Variants in ATP8A2 observed in about 807,000 individuals in gnomAD.
ATP8A2 encodes phospholipid-transporting ATPase IB.
ATP8A2 carries 100 observed loss-of-function variants against 165.6 expected under a neutral mutation model. That is an observed-to-expected ratio of 0.60 (90% CI 0.51 to 0.71). ATP8A2 has a LOEUF of 0.71. ATP8A2 is among the 30% of genes least tolerant of loss of function. The probability of loss-of-function intolerance (pLI) is 0.00; values close to 1 mark genes in which losing one functional copy is unlikely to be tolerated. For missense variants in ATP8A2, 1,227 were observed against 1,479.5 expected (o/e 0.83, Z 2.80); for synonymous variants, 543 against 548.8 (o/e 0.99, Z 0.15).
intron 34 of ATP8A2, among the ~76,000 whole-genome samples, chr13:25,967,076 C>G (rs992615447): frequency 6.6e-6 from 1 of 152,118 alleles, no homozygotes; most frequent in Non-Finnish European, 1.5e-5. Context: ...ACCCCAGAAG[C>G]CCAGGAGATA....
intron 27 of ATP8A2, among the ~76,000 whole-genome samples, chr13:25,826,771 C>G (rs1258593380): frequency 1.3e-5 from 2 of 152,052 alleles, no homozygotes; most frequent in Non-Finnish European, 2.9e-5. Context: ...GAATATTCAG[C>G]AGCAACTTTT....
chr13:25,682,528 C>T (rs973417173), intron 24 of ATP8A2, among the ~76,000 whole-genome samples: 8 of 152,114 alleles, frequency 5.3e-5, no homozygotes, highest in Non-Finnish European at 1.0e-4. Flanking sequence ...TCCTTTATTG[C>T]GAGTTTTCTC....
At chr13:25,807,668 G>T (rs551026364) in intron 27 of ATP8A2, among the ~76,000 whole-genome samples, 1 of 152,288 alleles carries the variant, frequency 6.6e-6, no homozygotes, top group Admixed American at 6.5e-5. Flanking sequence ...CTTTAATCCT[G>T]TTACTGTAAA....
chr13:25,619,919 G>A lies in ATP8A2; in HGVS notation c.2211+30220G>A, dbSNP rs187534844. Among the ~76,000 whole-genome samples the A allele has an allele frequency of 3.0e-4, 45 of 152,264 alleles. 1 individual carries two copies. The highest frequency in any genetic ancestry group is 1.0e-3 in the African/African-American group (42 of 41,548). ...ATGGGATATATTTGGCCCACGGGCC[G>A]TAGTTTACTGACCCCAATCTATATA... On this transcript the variant is annotated intron_variant, in intron 24 of 36. Transcript: ENST00000381655.
At position 25,829,668 on chromosome 13, in the gene ATP8A2, G is replaced by GTATATATA. The variant is rs71080203; in HGVS notation, c.2754+1522_2754+1529dup. On this transcript the variant is annotated intron_variant, in intron 28 of 36. Coordinates refer to ENST00000381655, the MANE Select transcript of ATP8A2 (RefSeq NM_016529.6). Reference sequence around the variant, plus strand: ...TGTTGTAGAGCCAAGGACAGGTGTGGTATATATATATATATATATATATAT... The same window carrying GTATATATA: ...TGTTGTAGAGCCAAGGACAGGTGTGGTATATATATATATATATATATATATATATATAT... Among the ~76,000 whole-genome samples the GTATATATA allele has an allele frequency of 3.9e-3, 244 of 63,292 alleles. 13 individuals carry two copies. Among genetic ancestry groups the GTATATATA allele is most frequent in the Non-Finnish European group, 4.8e-3 (154 of 31,864 alleles). 41.5% of individuals were successfully genotyped at this position (63,292 alleles called of 152,430 possible). A position where few individuals can be genotyped will look rare whatever the true frequency, so the allele number is the denominator to read the frequency against.
intron 27 of ATP8A2, among the ~76,000 whole-genome samples, chr13:25,806,651 G>A (rs555117368): frequency 6.6e-6 from 1 of 152,168 alleles, no homozygotes; most frequent in South Asian, 2.1e-4. Flanking sequence ...CTGTATACAG[G>A]TTTTTTGTAT....
chr13:25,747,010 C>T (rs1291022169), intron 25 of ATP8A2, among the ~76,000 whole-genome samples: 1 of 152,206 alleles, frequency 6.6e-6, no homozygotes, highest in Non-Finnish European at 1.5e-5. Context: ...TCCTGCGAGC[C>T]TCTGCTTCCT....
intron 26 of ATP8A2, among the ~76,000 whole-genome samples, chr13:25,770,477 AC>A (rs973992813): frequency 1.3e-5 from 2 of 151,974 alleles, no homozygotes; most frequent in African/African-American, 4.8e-5. Context: ...CTCACTGGCT[AC>A]CCCCACCCAC....
At chr13:25,477,250 T>C (rs2036020846) in intron 2 of ATP8A2, among the ~76,000 whole-genome samples, 1 of 152,202 alleles carries the variant, frequency 6.6e-6, no homozygotes, top group Non-Finnish European at 1.5e-5. Flanking sequence ...GGTTTGAGAA[T>C]TTTGGTCAGT....
Position 25,774,732 on chromosome 13 carries a change from G to A in ATP8A2, c.2569-117G>A. ...CAGAGAATGGTTTTCTGAGATTCCT[G>A]CGGAATCTGGTTTCCTCTACCTACA... is the stretch of plus-strand genomic sequence containing the variant. On this transcript the variant is annotated intron_variant, in intron 26 of 36. Transcript: ENST00000381655. The A allele has an allele frequency of 6.8e-6, 4 of 588,746 alleles. No homozygotes were observed. In the South Asian group the frequency reaches 9.3e-5, roughly 14 times the overall value. The allele number at this position is 588,746 out of a possible 1,614,324, so 36.5% of individuals were successfully genotyped here. A position where few individuals can be genotyped will look rare whatever the true frequency, so the allele number is the denominator to read the frequency against.
chr13:25,608,993 A>G (rs1444442141), intron 24 of ATP8A2, among the ~76,000 whole-genome samples: 3 of 152,214 alleles, frequency 2.0e-5, no homozygotes, highest in African/African-American at 7.2e-5. Flanking sequence ...AATGATTAAA[A>G]AATACTTTTG....
At chr13:25,425,628 G>C (rs2034427289) in intron 1 of ATP8A2, among the ~76,000 whole-genome samples, 1 of 151,100 alleles carries the variant, frequency 6.6e-6, no homozygotes, top group African/African-American at 2.4e-5. Flanking sequence ...AGGCTGGAGT[G>C]CAATGGCACA....
chr13:25,931,142 G>A (rs1001666262), intron 33 of ATP8A2, among the ~76,000 whole-genome samples: 10 of 152,256 alleles, frequency 6.6e-5, no homozygotes, highest in East Asian at 3.9e-4. Context: ...AGGACGCCAC[G>A]GGTGGACAAT....
At chr13:25,789,639 A>C (rs1439252333) in intron 27 of ATP8A2, among the ~76,000 whole-genome samples, 2 of 152,242 alleles carry the variant, frequency 1.3e-5, no homozygotes, top group Non-Finnish European at 2.9e-5. Context: ...AATCAGTAAA[A>C]TGGCCATAGT....
At chr13:25,707,906 A>G (rs74637438) in intron 25 of ATP8A2, among the ~76,000 whole-genome samples, 4,305 of 152,286 alleles carry the variant, frequency 0.028, 106 homozygotes, top group East Asian at 0.13. Flanking sequence ...TTTTGGCAGT[A>G]GTCTAAGAAC....
chr13:25,440,171 G>A (rs1226172206), intron 1 of ATP8A2, among the ~76,000 whole-genome samples: 2 of 152,064 alleles, frequency 1.3e-5, no homozygotes, highest in Admixed American at 6.6e-5. Flanking sequence ...CCTGGCTCTC[G>A]GAGGTGGTTC....
At chr13:25,523,117 CAAA>C (rs749414873) in intron 2 of ATP8A2, among the ~76,000 whole-genome samples, 8 of 75,880 alleles carry the variant, frequency 1.1e-4, no homozygotes, top group Admixed American at 1.5e-4. Context: ...GACTCTGTCT[CAAA>C]AAAAAAAAAA....
intron 4 of ATP8A2, among the ~76,000 whole-genome samples, chr13:25,531,325 G>GTT (rs2038070013): frequency 1.4e-5 from 1 of 73,168 alleles, no homozygotes; most frequent in African/African-American, 5.2e-5. Flanking sequence ...TGTTATATAT[G>GTT]ATATATATAT....
At chr13:25,960,236 C>G (rs1258413061) in intron 33 of ATP8A2, among the ~76,000 whole-genome samples, 1 of 152,206 alleles carries the variant, frequency 6.6e-6, no homozygotes, top group African/African-American at 2.4e-5. Context: ...GGCAGGGCTG[C>G]AGTGCATTTG....
Sources: gnomAD v4.1 joint callset for allele counts (sites outside exome capture counted in the v4.1 genomes callset) on GRCh38, gnomAD v4.1.1 for gene constraint, MANE v1.5 for transcripts, NCBI Gene and HGNC (gene_info 2026-07-23, HGNC 2026-07-21) for gene names.